The following SLIT2 variants were observed in gnomAD, a reference collection of about 807,000 sequenced individuals.
SLIT2 encodes slit guidance ligand 2, also known as slit homolog 2 protein.
Under a neutral mutation model 185.7 loss-of-function variants are expected in SLIT2, and 41 were observed. The observed-to-expected ratio is 0.22, with a 90% CI of 0.17 to 0.29. The LOEUF is 0.29. SLIT2 is among the 10% of genes least tolerant of loss of function. The probability of loss-of-function intolerance (pLI) is 1.00; values close to 1 mark genes in which losing one functional copy is unlikely to be tolerated. For synonymous variants in SLIT2, 693 were observed against 680.2 expected, an observed-to-expected ratio of 1.02 and a Z score of -0.29; for missense variants, 1,571 against 1,909.0, an observed-to-expected ratio of 0.82 and a Z score of 3.30.
intron 30 of SLIT2, among the ~76,000 whole-genome samples, chr4:20,591,858 A>G (rs1727545254): frequency 6.6e-6 from 1 of 152,122 alleles, no homozygotes; most frequent in African/African-American, 2.4e-5. Context: ...ACTATTAGAA[A>G]GTGAGTTTGT....
chr4:20,267,567 T>A (rs1416718310), intron 3 of SLIT2, among the ~76,000 whole-genome samples: 2 of 151,836 alleles, frequency 1.3e-5, no homozygotes, highest in Non-Finnish European at 2.9e-5. Flanking sequence ...CCAAAAAAAA[T>A]TCATAGCCTC....
At chr4:20,440,179 T>C (rs1577662706) in intron 4 of SLIT2, among the ~76,000 whole-genome samples, 1 of 93,048 alleles carries the variant, frequency 1.1e-5, no homozygotes, top group Non-Finnish European at 2.8e-5. Context: ...CATCTTGATA[T>C]ACTTGAAGAA....
rs78396183 is a variant in SLIT2, at chr4:20,391,978, C to T, written c.396-75774C>T. Among the ~76,000 whole-genome samples, 1,142 of 152,144 alleles carry T rather than the reference C, an allele frequency of 7.5e-3. 9 individuals are homozygous for T. Among genetic ancestry groups the T allele is most frequent in the Non-Finnish European group, 0.013 (852 of 67,964 alleles). On this transcript the variant is annotated intron_variant, in intron 4 of 36. Transcript: ENST00000504154. ...CCAGAGATCACTCATCAGTTCAGTG[C>T]AGAGTACTATACCTATGCTCTTCAG...
chr4:20,380,054 G>A (rs75604248), intron 4 of SLIT2, among the ~76,000 whole-genome samples: 3,063 of 152,146 alleles, frequency 0.02, 90 homozygotes, highest in African/African-American at 0.069. Context: ...GTAAGACGAG[G>A]GAATTGATCA....
intron 4 of SLIT2, among the ~76,000 whole-genome samples, chr4:20,304,793 G>A (rs1430889214): frequency 1.3e-5 from 2 of 152,030 alleles, no homozygotes; most frequent in African/African-American, 2.4e-5. Context: ...CATACAAAAC[G>A]CAAAAACTGC....
rs3830489 is a variant in SLIT2, at chr4:20,553,735, T to TTGTG, written c.2562-52_2562-49dup. On this transcript the variant is annotated intron_variant, in intron 25 of 36. Transcript: ENST00000504154. ...TTAGGAAATAACAATACTTCCATAC[T>TTGTG]TGTGTGTGTGTGTGTGTGTGTATGT... The TTGTG allele has an allele frequency of 9.0e-4, 1,012 of 1,119,290 alleles. 1 individual carries two copies. Among genetic ancestry groups the TTGTG allele is most frequent in the African/African-American group, 2.9e-3 (177 of 60,858 alleles). The allele number at this position is 1,119,290 out of a possible 1,614,324, so 69.3% of individuals were successfully genotyped here.
intron 4 of SLIT2, among the ~76,000 whole-genome samples, chr4:20,319,806 C>CAAAAAAAA (rs200940864): frequency 2.3e-5 from 2 of 88,836 alleles, no homozygotes; most frequent in African/African-American, 7.4e-5. Context: ...CACTAAAAAA[C>CAAAAAAAA]AAAACAAAAA....
At chr4:20,292,847 C>A (rs1392458747) in intron 4 of SLIT2, among the ~76,000 whole-genome samples, 2 of 152,032 alleles carry the variant, frequency 1.3e-5, no homozygotes, top group East Asian at 1.9e-4. Flanking sequence ...AGTAATGATA[C>A]AGTGATAATG....
chr4:20,390,779 A>AATATAT (rs1553892678), intron 4 of SLIT2, among the ~76,000 whole-genome samples: 127 of 142,656 alleles, frequency 8.9e-4, no homozygotes, highest in African/African-American at 2.8e-3. Context: ...TTTAAAAAAA[A>AATATAT]ATATATATAT....
At chr4:20,434,043 T>C (rs1429270187) in intron 4 of SLIT2, among the ~76,000 whole-genome samples, 1 of 152,212 alleles carries the variant, frequency 6.6e-6, no homozygotes, top group Non-Finnish European at 1.5e-5. Context: ...TAAAGCTTTG[T>C]GTCCCATTTG....
At chr4:20,337,156 A>G (rs1257456728) in intron 4 of SLIT2, among the ~76,000 whole-genome samples, 1 of 152,196 alleles carries the variant, frequency 6.6e-6, no homozygotes, top group African/African-American at 2.4e-5. Context: ...CTGCTGATAA[A>G]GACATACCCG....
intron 4 of SLIT2, among the ~76,000 whole-genome samples, chr4:20,303,790 G>A (rs1477301956): frequency 1.3e-5 from 2 of 152,184 alleles, no homozygotes; most frequent in African/African-American, 2.4e-5. Flanking sequence ...AAAATTATAT[G>A]CACTGGGAGC....
chr4:20,611,918 C>A (rs780490169), intron 34 of SLIT2, among the ~76,000 whole-genome samples: 1 of 152,172 alleles, frequency 6.6e-6, no homozygotes, highest in Non-Finnish European at 1.5e-5. Context: ...ACCTGCATTG[C>A]CATTCACTTC....
rs748937914 is a variant in SLIT2, at chr4:20,596,522, C to G, written c.3428C>G (p.Pro1143Arg). The G allele has an allele frequency of 2.7e-5, 44 of 1,613,774 alleles. No individual in the cohort carries two copies. The highest frequency in any genetic ancestry group is 3.7e-5 in the Non-Finnish European group (44 of 1,179,976). ...CAGTGTATCGTCAGAATAAATGAGCCAATATGTCAGTGTTTGCCTGGCTAT... is the reference window on the plus strand; with the variant it reads ...CAGTGTATCGTCAGAATAAATGAGCGAATATGTCAGTGTTTGCCTGGCTAT... ...GAQCIVRINE[P>R]ICQCLPGYQG... The change falls in exon 32 of 37, where the codon CCA becomes CGA. Residue 1143 changes from proline (P) to arginine (R), a missense_variant. Physicochemically the swap from Pro to Arg is moderately radical, Grantham distance 103. Around this residue, in one of 3 missense-constraint regions of SLIT2, gnomAD observed 1,202 missense variants for 1,416.4 expected, o/e 0.85. Coordinates refer to ENST00000504154, the MANE Select transcript of SLIT2 (RefSeq NM_004787.4).
At chr4:20,378,175 C>T (rs1560369189) in intron 4 of SLIT2, among the ~76,000 whole-genome samples, 1 of 151,996 alleles carries the variant, frequency 6.6e-6, no homozygotes, top group Non-Finnish European at 1.5e-5. Flanking sequence ...CCCAGAATCT[C>T]CTAAATGATA....
intron 30 of SLIT2, among the ~76,000 whole-genome samples, chr4:20,591,599 A>T (rs1727519246): frequency 6.6e-6 from 1 of 151,972 alleles, no homozygotes; most frequent in Non-Finnish European, 1.5e-5. Flanking sequence ...TTTTCACTTT[A>T]TACAAAACTT....
Position 20,491,742 on chromosome 4 carries a change from C to G in SLIT2, c.776-19C>G. The G allele has an allele frequency of 6.3e-7, 1 of 1,599,784 alleles. No homozygotes were observed. The highest frequency in any genetic ancestry group is 1.1e-5 in the South Asian group (1 of 88,288). On this transcript the variant is annotated intron_variant, in intron 8 of 36. Coordinates refer to ENST00000504154, the MANE Select transcript of SLIT2 (RefSeq NM_004787.4). ...ATATTCAGGAGGAAAAATATAATTC[C>G]TGTTTATTTCTTTTTTAGGTCACCA...
At chr4:20,417,460 G>GTATATA (rs1451094312) in intron 4 of SLIT2, among the ~76,000 whole-genome samples, 2 of 92,600 alleles carry the variant, frequency 2.2e-5, no homozygotes, top group Admixed American at 1.1e-4. Flanking sequence ...ATATATATAC[G>GTATATA]TATATATATG....
At chr4:20,401,836 C>T (rs1371773252) in intron 4 of SLIT2, among the ~76,000 whole-genome samples, 2 of 151,940 alleles carry the variant, frequency 1.3e-5, no homozygotes, top group Middle Eastern at 3.4e-3. Flanking sequence ...AAAGCATTTA[C>T]GCAGTGCCTA....
Sources: gnomAD v4.1 joint callset for allele counts (sites outside exome capture counted in the v4.1 genomes callset) on GRCh38, gnomAD v4.1.1 for gene constraint, gnomAD v4.1.1 regional missense constraint, MANE v1.5 for transcripts, NCBI Gene and HGNC (gene_info 2026-07-23, HGNC 2026-07-21) for gene names.